The following PPIL4 variants were observed in gnomAD, a reference collection of about 807,000 sequenced individuals.
PPIL4 encodes the protein peptidyl-prolyl cis-trans isomerase-like 4.
In PPIL4, 50 loss-of-function variants were observed where a neutral mutation model predicts 69.1. That is an observed-to-expected ratio of 0.72 (90% confidence interval 0.58 to 0.92). The LOEUF (loss-of-function observed/expected upper bound fraction) is 0.92, where lower values mean the gene tolerates loss of function less well. Among genes scored for constraint, PPIL4 ranks in the 40% least tolerant of loss-of-function variants. The pLI, the probability that PPIL4 is intolerant of heterozygous loss-of-function variation, is 0.00. For synonymous variants in PPIL4, 193 were observed against 191.6 expected (o/e 1.01, Z -0.06); for missense variants, 480 against 587.9 (o/e 0.82, Z 1.90).
At chr6:149,535,514 C>T (rs1213236947) in intron 5 of PPIL4, 82 bp downstream of exon 5, 10 of 1,007,040 alleles carry the variant, frequency 9.9e-6, no homozygotes, top group African/African-American at 4.8e-5. Context: ...CTATGCATAC[C>T]GTTCCTATCC....
At chr6:149,528,818 C>T (rs1777146956) in intron 7 of PPIL4, among the ~76,000 whole-genome samples, 1 of 152,216 alleles carries the variant, frequency 6.6e-6, no homozygotes, top group South Asian at 2.1e-4. Flanking sequence ...CAAATGTTTA[C>T]AGCAGCTTTA....
intron 12 of PPIL4, among the ~76,000 whole-genome samples, chr6:149,506,775 T>C (rs1776777495): frequency 6.6e-6 from 1 of 152,288 alleles, no homozygotes; most frequent in Admixed American, 6.5e-5. Flanking sequence ...TTGTATTTTT[T>C]TGTAGAGACG....
In PPIL4 at chr6:149,512,284, T is replaced by G. The variant is rs1776857752; in HGVS notation, c.1098A>C (p.Ile366=). 2 of 1,609,936 alleles carry G rather than the reference T, an allele frequency of 1.2e-6. No homozygotes were observed. Among genetic ancestry groups the G allele is most frequent in the Non-Finnish European group, 1.7e-6 (2 of 1,176,822 alleles). The stretch of plus-strand genomic sequence containing the variant: ...TTGAGTCTTCGGCCTGCTCATCTAA[T>G]ATAAGATCGTATTTTGTACTGCAGT... The part of the protein sequence containing the change: ...KPKQDTKYDL[I]LDEQAEDSKS... The change falls in exon 12 of 13, where the codon ATA becomes ATC. Residue 366 remains isoleucine, a synonymous_variant. Coordinates refer to ENST00000253329, the MANE Select transcript of PPIL4 (RefSeq NM_139126.4).
chr6:149,515,374 G>A (rs892070830), intron 11 of PPIL4, among the ~76,000 whole-genome samples: 5 of 152,000 alleles, frequency 3.3e-5, no homozygotes, highest in Admixed American at 1.3e-4. Context: ...TGGATCATAC[G>A]AAAGAAGACA....
chr6:149,525,282 C>G, intron 8 of PPIL4, 73 bp from the exon 9 acceptor site: 2 of 730,526 alleles, frequency 2.7e-6, no homozygotes, highest in Non-Finnish European at 4.6e-6. Flanking sequence ...CTCTTCAAAA[C>G]TGAAGAAGAA....
Position 149,535,716 on chromosome 6 carries a change from T to C in PPIL4, c.344A>G (p.Asn115Ser), listed in dbSNP as rs1777266211. Reference protein sequence around the residue: ...GSQFLITTGENLDYLDGVHTV... With the variant: ...GSQFLITTGESLDYLDGVHTV... ...ATGGACACCATCAAGATAATCTAGA[T>C]TTTCTCCTGTGGTGATAAGAAACTA... The change falls in exon 5 of 13, where the codon AAT (asparagine) becomes AGT (serine). Residue 115 changes from asparagine (N) to serine (S), a missense_variant. Physicochemically the swap from Asn to Ser is conservative, Grantham distance 46. Coordinates refer to ENST00000253329, the MANE Select transcript of PPIL4 (RefSeq NM_139126.4). 3.1e-6 allele frequency: 5 copies of C among 1,607,308 alleles called. No individual in the cohort carries two copies. Among genetic ancestry groups the C allele is most frequent in the Non-Finnish European group, 4.3e-6 (5 of 1,175,442 alleles).
intron 4 of PPIL4, among the ~76,000 whole-genome samples, chr6:149,536,854 AG>A (rs1379114791): frequency 2.6e-5 from 4 of 152,210 alleles, no homozygotes; most frequent in Non-Finnish European, 5.9e-5. Context: ...GGCCAGGTGC[AG>A]TGGCTCACGC....
intron 11 of PPIL4, among the ~76,000 whole-genome samples, chr6:149,512,831 C>A (rs1776876000): frequency 6.6e-6 from 1 of 152,006 alleles, no homozygotes; most frequent in Admixed American, 6.6e-5. Flanking sequence ...CAACCTCCGC[C>A]TCTCAGGTTC....
chr6:149,514,506 G>A (rs186112728), intron 11 of PPIL4, among the ~76,000 whole-genome samples: 20 of 152,130 alleles, frequency 1.3e-4, no homozygotes, highest in Non-Finnish European at 2.8e-4. Flanking sequence ...ATTTTTAGTC[G>A]AGACAGGGTT....
chr6:149,538,242 G>A (rs1279426615), intron 4 of PPIL4, among the ~76,000 whole-genome samples: 1 of 151,906 alleles, frequency 6.6e-6, no homozygotes, highest in Non-Finnish European at 1.5e-5. Flanking sequence ...CTCAACCTGG[G>A]TGACAGAGTG....
chr6:149,527,290 G>A (rs1049498086), intron 7 of PPIL4, among the ~76,000 whole-genome samples: 8 of 152,266 alleles, frequency 5.3e-5, no homozygotes, highest in Non-Finnish European at 1.2e-4. Flanking sequence ...CCCAGGAGGC[G>A]GAGGTTGCAG....
intron 11 of PPIL4, among the ~76,000 whole-genome samples, chr6:149,513,550 A>G (rs561817764): frequency 1.0e-4 from 15 of 150,712 alleles, no homozygotes; most frequent in African/African-American, 3.4e-4. Context: ...ACAAGATACA[A>G]TATTATAAAT....
At chr6:149,513,179 A>C (rs1212051342) in intron 11 of PPIL4, among the ~76,000 whole-genome samples, 2 of 148,002 alleles carry the variant, frequency 1.4e-5, no homozygotes, top group Non-Finnish European at 3.0e-5. Flanking sequence ...CGAGGCCAGG[A>C]GTTCGAGACC....
intron 1 of PPIL4, among the ~76,000 whole-genome samples, 178 bp from the exon 2 acceptor site, chr6:149,541,764 C>T (rs1334188231): frequency 6.6e-6 from 1 of 152,108 alleles, no homozygotes; most frequent in Non-Finnish European, 1.5e-5. Context: ...AATCGCAGCG[C>T]TTTGGGAGGC....
intron 7 of PPIL4, among the ~76,000 whole-genome samples, chr6:149,528,433 C>T (rs559426041): frequency 6.6e-5 from 10 of 152,274 alleles, no homozygotes; most frequent in South Asian, 2.1e-4. Context: ...TTAAAACATT[C>T]ATAAAAGCTA....
Position 149,512,720 on chromosome 6 carries a change from T to C in PPIL4, c.1080-418A>G, listed in dbSNP as rs187562894. ...AATCAAGAGGAAATTCAGCAATGCA[T>C]ATCGAGTTATCATGTTTAAATTCTT... On this transcript the variant is annotated intron_variant, in intron 11 of 12. Coordinates refer to ENST00000253329, the MANE Select transcript of PPIL4 (RefSeq NM_139126.4). Among the ~76,000 whole-genome samples, 3 of 152,290 alleles carry C rather than the reference T, an allele frequency of 2.0e-5. No homozygotes were observed. In the East Asian group the frequency reaches 5.8e-4, roughly 29 times the overall value.
At chr6:149,536,772 G>A (rs993817909) in intron 4 of PPIL4, among the ~76,000 whole-genome samples, 2 of 151,688 alleles carry the variant, frequency 1.3e-5, no homozygotes, top group Admixed American at 6.6e-5. Context: ...AAAATTTAAG[G>A]AAAGAAGCTG....
intron 11 of PPIL4, among the ~76,000 whole-genome samples, chr6:149,513,513 C>T (rs1029121386): frequency 7.3e-6 from 1 of 137,626 alleles, no homozygotes; most frequent in East Asian, 2.1e-4. Context: ...GTAATAAAGA[C>T]ATACTTAAAT....
At chr6:149,511,592 TTAAC>T (rs1318971101) in intron 12 of PPIL4, among the ~76,000 whole-genome samples, 2 of 152,268 alleles carry the variant, frequency 1.3e-5, no homozygotes, top group Admixed American at 6.5e-5. Flanking sequence ...TGCTTTTTAT[TTAAC>T]TAAGAACCAA....
Sources: allele counts gnomAD v4.1 joint callset (sites outside exome capture counted in the v4.1 genomes callset), GRCh38; gene constraint gnomAD v4.1.1; transcripts MANE v1.5; gene names NCBI Gene and HGNC (gene_info 2026-07-23, HGNC 2026-07-21).